Variants in CA5B observed in about 807,000 individuals in gnomAD.
CA5B encodes the protein carbonic anhydrase 5B, mitochondrial.
Under a neutral mutation model 23.1 loss-of-function variants are expected in CA5B, and 15 were observed. That is an observed-to-expected ratio of 0.65 (90% CI 0.43 to 1.00). The LOEUF (loss-of-function observed/expected upper bound fraction) is 1.00. CA5B is among the 50% of genes least tolerant of loss of function. The pLI, the probability that CA5B is intolerant of heterozygous loss-of-function variation, is 0.00. For synonymous variants in CA5B, 84 were observed against 98.5 expected, an observed-to-expected ratio of 0.85 and a Z score of 0.87; for missense variants, 236 against 252.2, an observed-to-expected ratio of 0.94 and a Z score of 0.43.
intron 6 of CA5B, chrX:15,775,993 CCTGAG>C: frequency 1.3e-6 from 1 of 753,406 alleles, no homozygotes; most frequent in Non-Finnish European, 1.6e-6. Flanking sequence ...TCTGGCTCCT[CCTGAG>C]CTGCATTTCT....
chrX:15,779,905 C>A (rs1931990939), intron 7 of CA5B, among the ~76,000 whole-genome samples: 1 of 111,325 alleles, frequency 9.0e-6, no homozygotes, highest in Non-Finnish European at 1.9e-5. Context: ...GGTCAGTGGC[C>A]CATGTGAGGA....
At chrX:15,776,639 C>A (rs994443420) in intron 6 of CA5B, 75 bp from the exon 7 acceptor site, 3 of 827,031 alleles carry the variant, frequency 3.6e-6, no homozygotes, top group Non-Finnish European at 5.4e-6. Context: ...TCCCTGAGAA[C>A]CGTCACCTCG....
chrX:15,742,380 T>G (rs1356028601), intron 1 of CA5B, among the ~76,000 whole-genome samples: 1 of 112,323 alleles, frequency 8.9e-6, no homozygotes, highest in African/African-American at 3.2e-5. Context: ...TTTTGGGTTT[T>G]TTTTGAGACG....
chrX:15,768,366 A>G (rs1242666683), intron 3 of CA5B, among the ~76,000 whole-genome samples: 1 of 111,100 alleles, frequency 9.0e-6, no homozygotes, highest in Non-Finnish European at 1.9e-5. Flanking sequence ...CAAGTCATCA[A>G]CGTTTTTGTC....
intron 2 of CA5B, among the ~76,000 whole-genome samples, chrX:15,752,358 C>G (rs1931376744): frequency 9.0e-6 from 1 of 111,667 alleles, no homozygotes; most frequent in South Asian, 3.7e-4. Context: ...TATTTTACCC[C>G]AAAACATGTT....
chrX:15,762,814 G>A (rs763814968), intron 2 of CA5B: 2 of 370,033 alleles, frequency 5.4e-6, no homozygotes, highest in Non-Finnish European at 1.1e-5. Flanking sequence ...CCCATCCATG[G>A]TACTTCTAAA....
At chrX:15,752,714 G>T (rs1463399683) in intron 2 of CA5B, among the ~76,000 whole-genome samples, 2 of 93,954 alleles carry the variant, frequency 2.1e-5, no homozygotes, top group African/African-American at 7.9e-5. Flanking sequence ...GACAGAGCGA[G>T]ACTCTGTCTC....
intron 1 of CA5B, among the ~76,000 whole-genome samples, chrX:15,742,574 A>T (rs1015787413): frequency 2.7e-5 from 3 of 112,190 alleles, no homozygotes; most frequent in African/African-American, 6.5e-5. Flanking sequence ...TGGTTTCACC[A>T]TGTTGGCCAG....
chrX:15,744,746 C>T (rs1291589917), intron 1 of CA5B, among the ~76,000 whole-genome samples: 3 of 111,224 alleles, frequency 2.7e-5, no homozygotes, highest in South Asian at 3.8e-4. Context: ...CCTTTGCCTC[C>T]CTGTTAAATT....
chrX:15,778,913 A>G (rs1931975743), intron 7 of CA5B, among the ~76,000 whole-genome samples: 1 of 111,295 alleles, frequency 9.0e-6, no homozygotes, highest in African/African-American at 3.3e-5. Flanking sequence ...GGGTAGGGAC[A>G]CAGGGCCAAA....
At position 15,746,452 on chromosome X, in the gene CA5B, G is replaced by T. The variant is rs1030072201; in HGVS notation, c.-53-3519G>T. Among the ~76,000 whole-genome samples the T allele has an allele frequency of 3.6e-5, 4 of 111,068 alleles. No homozygotes were observed. In the South Asian group the frequency reaches 1.5e-3, roughly 42 times the overall value. ...TTAAGCATTAATCTTAACCATTTCA[G>T]TTCATATTATTGTAACCACTCAAGG... On this transcript the variant is annotated intron_variant, in intron 1 of 7. Coordinates refer to ENST00000318636, the MANE Select transcript of CA5B (RefSeq NM_007220.4).
At chrX:15,757,249 G>T (rs1355838618) in intron 2 of CA5B, among the ~76,000 whole-genome samples, 7 of 105,877 alleles carry the variant, frequency 6.6e-5, no homozygotes, top group African/African-American at 2.4e-4. Context: ...GGTGGCTCAC[G>T]CCTGTAATCC....
intron 2 of CA5B, 72 bp downstream of exon 2, chrX:15,750,237 T>TTTTTTCTAAGAGATG: frequency 1.1e-6 from 1 of 883,975 alleles, no homozygotes; most frequent in Non-Finnish European, 1.6e-6. Context: ...TCTCATCTCT[T>TTTTTTCTAAGAGATG]AGAAAAAAAG....
intron 2 of CA5B, among the ~76,000 whole-genome samples, chrX:15,753,062 T>TC (rs759480884): frequency 6.4e-4 from 72 of 111,855 alleles, no homozygotes; most frequent in Admixed American, 1.3e-3. Flanking sequence ...TAAATGTATT[T>TC]GATTGATGTC....
At chrX:15,777,501 C>T (rs1931953261) in intron 7 of CA5B, among the ~76,000 whole-genome samples, 1 of 110,851 alleles carries the variant, frequency 9.0e-6, no homozygotes, top group South Asian at 3.7e-4. Flanking sequence ...ATGAAGCCAG[C>T]ATAACTGATA....
chrX:15,769,744 A>G, intron 3 of CA5B: 2 of 229,372 alleles, frequency 8.7e-6, no homozygotes, highest in Non-Finnish European at 1.3e-5. Flanking sequence ...TTGTGCAACC[A>G]TCACTATAGT....
At chrX:15,770,567 G>A (rs1931797393) in intron 3 of CA5B, among the ~76,000 whole-genome samples, 1 of 109,332 alleles carries the variant, frequency 9.1e-6, no homozygotes. Flanking sequence ...ACAGGTGTGA[G>A]CCACTGCTGG....
In CA5B at chrX:15,785,945, A is replaced by G. The variant is rs1932107618; in HGVS notation, c.*3281A>G. ...GAGTGCAGTGGCGCGATCTCGGCTC[A>G]CTGCAAGCTCCGCCTCCCGGGTTCA... On this transcript the variant is annotated 3_prime_UTR_variant, in exon 8 of 8. Transcript: ENST00000318636. 1 of 110,654 alleles carries G rather than the reference A, an allele frequency of 9.0e-6. No individual in the cohort carries two copies. The highest frequency in any genetic ancestry group is 1.9e-5 in the Non-Finnish European group (1 of 52,813). 9.1% of individuals were successfully genotyped at this position (110,654 alleles called of 1,213,427 possible).
Position 15,759,966 on chromosome X carries a change from C to A in CA5B, c.143-4612C>A, listed in dbSNP as rs760700270. 5.5e-5 allele frequency among the ~76,000 whole-genome samples: 6 copies of A among 108,701 alleles called. No individual in the cohort carries two copies. In the East Asian group the frequency reaches 1.7e-3, roughly 31 times the overall value. 94.4% of individuals were successfully genotyped at this position (108,701 alleles called of 115,157 possible). On this transcript the variant is annotated intron_variant, in intron 2 of 7. Coordinates refer to ENST00000318636, the MANE Select transcript of CA5B (RefSeq NM_007220.4). ...ATGGGGTTTCACCATGTTGGCCAGGCTGGTCTTGAACTCCTGACCTCAGGT... is the reference window on the plus strand; with the variant it reads ...ATGGGGTTTCACCATGTTGGCCAGGATGGTCTTGAACTCCTGACCTCAGGT...
Sources: allele counts gnomAD v4.1 joint callset (sites outside exome capture counted in the v4.1 genomes callset), GRCh38; gene constraint gnomAD v4.1.1; transcripts MANE v1.5; gene names NCBI Gene and HGNC (gene_info 2026-07-23, HGNC 2026-07-21).